KIT: variants seen among roughly 807,000 people sequenced by gnomAD.
KIT encodes KIT proto-oncogene, receptor tyrosine kinase.
A neutral mutation model predicts 105.7 loss-of-function variants in KIT; 16 were observed. The ratio of observed to expected loss-of-function variants is 0.15; its 90% confidence interval spans 0.10 to 0.23. KIT has a LOEUF of 0.23. Ranked by LOEUF, KIT falls within the 10% of genes least tolerant of loss-of-function variation. KIT has a pLI of 1.00. For synonymous variants in KIT, 438 were observed against 441.1 expected (o/e 0.99, Z 0.09); for missense variants, 858 against 1,213.8 (o/e 0.71, Z 4.36).
intron 1 of KIT, among the ~76,000 whole-genome samples, chr4:54,678,400 C>T (rs1472014409): frequency 1.5e-5 from 2 of 135,116 alleles, no homozygotes; most frequent in Non-Finnish European, 3.1e-5. Context: ...GAGGCTGTCT[C>T]CCTGCTCCTT....
intron 3 of KIT, among the ~76,000 whole-genome samples, chr4:54,698,810 A>C (rs953031984): frequency 6.6e-6 from 1 of 152,246 alleles, no homozygotes; most frequent in Non-Finnish European, 1.5e-5. Context: ...TTTAGACTGG[A>C]CTGACTTAAG....
chr4:54,737,352 C>A, intron 20 of KIT, 72 bp downstream of exon 20: 2 of 1,024,756 alleles, frequency 2.0e-6, no homozygotes, highest in Non-Finnish European at 3.1e-6. Context: ...CTCAGGCTTT[C>A]AGGGTGAGGA....
chr4:54,686,465 A>T (rs1447188412), intron 1 of KIT, among the ~76,000 whole-genome samples: 2 of 152,230 alleles, frequency 1.3e-5, no homozygotes, highest in African/African-American at 2.4e-5. Context: ...AGGCCTGGAC[A>T]TGGGAATATT....
intron 1 of KIT, among the ~76,000 whole-genome samples, chr4:54,666,326 C>T (rs1717689335): frequency 6.6e-6 from 1 of 152,124 alleles, no homozygotes; most frequent in African/African-American, 2.4e-5. Flanking sequence ...TGTCGCCAGG[C>T]TGGAGTGCAG....
intron 1 of KIT, among the ~76,000 whole-genome samples, chr4:54,674,747 C>T (rs963670680): frequency 2.0e-5 from 3 of 152,126 alleles, no homozygotes; most frequent in Non-Finnish European, 4.4e-5. Context: ...CTAACATTAG[C>T]TTTCTAAGCT....
At chr4:54,694,364 T>G (rs1388552692) in intron 1 of KIT, among the ~76,000 whole-genome samples, 1 of 152,156 alleles carries the variant, frequency 6.6e-6, no homozygotes, top group Non-Finnish European at 1.5e-5. Context: ...TTCTATTGTT[T>G]TTAGAGAGAC....
chr4:54,688,365 C>A (rs1719463298), intron 1 of KIT, among the ~76,000 whole-genome samples: 1 of 152,166 alleles, frequency 6.6e-6, no homozygotes, highest in Non-Finnish European at 1.5e-5. Context: ...AGTAGTTGAA[C>A]TACAATGCAC....
intron 1 of KIT, among the ~76,000 whole-genome samples, chr4:54,686,155 A>AT (rs1194370821): frequency 6.6e-6 from 1 of 152,100 alleles, no homozygotes; most frequent in African/African-American, 2.4e-5. Context: ...CTGTTCTGTG[A>AT]TTCCCCTGTG....
chr4:54,723,710 A>G lies in KIT; in HGVS notation c.1346+12A>G. On this transcript the variant is annotated intron_variant, in intron 8 of 20. Coordinates refer to ENST00000288135, the MANE Select transcript of KIT (RefSeq NM_000222.3). ...GGAACTGAGCAGAGGTGAGATGATT[A>G]TTTTTGGCACTGCTTATAATGCAGA... 3 of 1,503,860 alleles carry G rather than the reference A, an allele frequency of 2.0e-6. No individual in the cohort carries two copies. Among genetic ancestry groups the G allele is most frequent in the Non-Finnish European group, 2.8e-6 (3 of 1,079,868 alleles). 93.2% of individuals were successfully genotyped at this position (1,503,860 alleles called of 1,614,324 possible).
chr4:54,715,381 A>T (rs979431198), intron 7 of KIT, among the ~76,000 whole-genome samples: 2 of 151,788 alleles, frequency 1.3e-5, no homozygotes, highest in Non-Finnish European at 2.9e-5. Flanking sequence ...AAAAAAAAAA[A>T]AAAAATGCCC....
intron 1 of KIT, among the ~76,000 whole-genome samples, chr4:54,689,309 T>C (rs1250909777): frequency 6.6e-6 from 1 of 152,130 alleles, no homozygotes. Context: ...CGAATACAAC[T>C]CCCATAAGCA....
chr4:54,687,553 A>G (rs1004044037), intron 1 of KIT, among the ~76,000 whole-genome samples: 2 of 152,050 alleles, frequency 1.3e-5, no homozygotes, highest in African/African-American at 4.8e-5. Context: ...GCCCCTTTGC[A>G]TCTTCTGTAC....
intron 7 of KIT, among the ~76,000 whole-genome samples, chr4:54,723,116 A>G (rs1352934697): frequency 6.6e-6 from 1 of 152,088 alleles, no homozygotes; most frequent in Admixed American, 6.6e-5. Flanking sequence ...TAAGAGCAAA[A>G]GAGTGGGGCT....
At chr4:54,708,494 G>A (rs1720930146) in intron 6 of KIT, among the ~76,000 whole-genome samples, 1 of 152,142 alleles carries the variant, frequency 6.6e-6, no homozygotes. Context: ...GTCACTTACT[G>A]GCTGCAGACC....
chr4:54,705,787 C>T (rs751941555), intron 5 of KIT, among the ~76,000 whole-genome samples: 18 of 152,070 alleles, frequency 1.2e-4, no homozygotes, highest in Non-Finnish European at 1.3e-4. Context: ...GAGGCTGAGG[C>T]AGGAGGATTG....
chr4:54,695,415 G>A (rs544930499), intron 1 of KIT, 97 bp from the exon 2 acceptor site: 5 of 1,272,776 alleles, frequency 3.9e-6, no homozygotes, highest in Non-Finnish European at 5.7e-6. Context: ...TATTTTTATT[G>A]TAGAGTACAC....
rs1720332231 is a variant in KIT at position 54,699,718 on chromosome 4, A to G, written c.708A>G (p.Lys236=). The G allele has an allele frequency of 6.2e-7, 1 of 1,614,022 alleles. No homozygotes were observed. The highest frequency in any genetic ancestry group is 8.5e-7 in the Non-Finnish European group (1 of 1,179,918). ...GEEFTVTCTI[K]DVSSSVYSTW... ...AATTCACAGTGACGTGCACAATAAAAGATGTGTCTAGTTCTGTGTACTCAA... is the reference window on the plus strand; with the variant it reads ...AATTCACAGTGACGTGCACAATAAAGGATGTGTCTAGTTCTGTGTACTCAA... Residue 236 remains lysine, a synonymous_variant, in exon 4 of 21, where the codon AAA becomes AAG. Coordinates refer to ENST00000288135, the MANE Select transcript of KIT (RefSeq NM_000222.3).
intron 1 of KIT, among the ~76,000 whole-genome samples, chr4:54,687,266 C>T (rs1719370346): frequency 6.6e-6 from 1 of 151,990 alleles, no homozygotes; most frequent in African/African-American, 2.4e-5. Flanking sequence ...AGTGAAACTG[C>T]ATCGCTACTA....
chr4:54,677,623 T>C (rs1425305901), intron 1 of KIT, among the ~76,000 whole-genome samples: 1 of 152,124 alleles, frequency 6.6e-6, no homozygotes, highest in African/African-American at 2.4e-5. Flanking sequence ...GGGTTGTGGG[T>C]TGTGTTTCTT....
Sources: gnomAD v4.1 joint callset for allele counts (sites outside exome capture counted in the v4.1 genomes callset) on GRCh38, gnomAD v4.1.1 for gene constraint, MANE v1.5 for transcripts, NCBI Gene and HGNC (gene_info 2026-07-23, HGNC 2026-07-21) for gene names.